TPM1: variants seen among roughly 807,000 people sequenced by gnomAD.
TPM1 encodes the protein tropomyosin 1.
A neutral mutation model predicts 42.9 loss-of-function variants in TPM1; 24 were observed. The observed-to-expected ratio is 0.56, with a 90% CI of 0.41 to 0.79. The LOEUF (loss-of-function observed/expected upper bound fraction) is 0.79, where lower values mean the gene tolerates loss of function less well. TPM1 is among the 30% of genes least tolerant of loss of function. The pLI is 0.00. For missense variants in TPM1, 158 were observed against 351.8 expected, an observed-to-expected ratio of 0.45 and a Z score of 4.41; for synonymous variants, 136 against 130.1, an observed-to-expected ratio of 1.05 and a Z score of -0.31.
intron 5 of TPM1, 46 bp from the exon 6 acceptor site, chr15:63,061,667 C>T: frequency 6.3e-7 from 1 of 1,576,962 alleles, no homozygotes; most frequent in East Asian, 2.2e-5. Context: ...CTCCTCCTTC[C>T]TTTGGCTTGT....
intron 2 of TPM1, among the ~76,000 whole-genome samples, chr15:63,049,554 G>A (rs1250173117): frequency 3.3e-5 from 5 of 152,152 alleles, no homozygotes; most frequent in African/African-American, 1.2e-4. Flanking sequence ...TTTTGTGTGT[G>A]TGTGTTTTTA....
chr15:63,043,440 C>T (rs1389161938), intron 1 of TPM1: 2 of 660,406 alleles, frequency 3.0e-6, no homozygotes, highest in South Asian at 3.0e-5. Flanking sequence ...GCCAGGCCAG[C>T]AGTGGCGTTC....
In TPM1 at chr15:63,060,860, CT is replaced by C; in HGVS notation, c.493-8del. On this transcript the variant is annotated splice_region_variant and splice_polypyrimidine_tract_variant and intron_variant, in intron 4 of 9. Coordinates refer to ENST00000403994, the MANE Select transcript of TPM1 (RefSeq NM_001018005.2). ...CCCATGGTGTGTGTGTTGTGTCTTCCTGCTGCAGGTGGCCCGTAAGCTGGTC... is the reference window on the plus strand; with the variant it reads ...CCCATGGTGTGTGTGTTGTGTCTTCCGCTGCAGGTGGCCCGTAAGCTGGTC... The C allele has an allele frequency of 6.2e-7, 1 of 1,614,176 alleles. No homozygotes were observed. The highest frequency in any genetic ancestry group is 8.5e-7 in the Non-Finnish European group (1 of 1,180,034).
chr15:63,053,137 T>C (rs1387998608), intron 2 of TPM1, among the ~76,000 whole-genome samples: 1 of 152,248 alleles, frequency 6.6e-6, no homozygotes, highest in Non-Finnish European at 1.5e-5. Context: ...TGTCCTTATG[T>C]GAGCTTCCTA....
intron 2 of TPM1, chr15:63,047,177 C>T (rs2032557754): frequency 6.6e-6 from 1 of 152,358 alleles, no homozygotes. Flanking sequence ...AAGCGAGAAG[C>T]TCCCACCTAC....
intron 2 of TPM1, 34 bp from the exon 3 acceptor site, chr15:63,056,951 C>G: frequency 2.5e-6 from 4 of 1,613,900 alleles, no homozygotes; most frequent in Non-Finnish European, 3.4e-6. Context: ...TCACTTTCTC[C>G]CCAACTCTGA....
Position 63,059,746 on chromosome 15 carries a change from T to C in TPM1, c.492+66T>C, listed in dbSNP as rs938537603. The stretch of plus-strand genomic sequence containing the variant: ...TGGCCTTCAGGAAGCCAGGGAGCAA[T>C]GTACAGTCTTGATTCCCGAGTGAGG... On this transcript the variant is annotated intron_variant, in intron 4 of 9. Transcript: ENST00000403994. The C allele has an allele frequency of 2.6e-6, 3 of 1,164,070 alleles. No homozygotes were observed. In the African/African-American group the frequency reaches 4.5e-5, roughly 18 times the overall value. 72.1% of individuals were successfully genotyped at this position (1,164,070 alleles called of 1,614,324 possible).
chr15:63,065,575 A>G (rs2036185826), intron 9 of TPM1: 10 of 985,246 alleles, frequency 1.0e-5, no homozygotes, highest in Non-Finnish European at 1.2e-5. Flanking sequence ...CAGTGCTAAA[A>G]TGTGGTGATT....
At chr15:63,055,901 T>C (rs1006164005) in intron 2 of TPM1, 1 of 152,222 alleles carries the variant, frequency 6.6e-6, no homozygotes, top group Non-Finnish European at 1.5e-5. Context: ...AAAAAAATCA[T>C]TGCCTCTCAA....
At chr15:63,058,704 G>A (rs1357175749) in intron 3 of TPM1, among the ~76,000 whole-genome samples, 4 of 152,124 alleles carry the variant, frequency 2.6e-5, no homozygotes, top group Non-Finnish European at 5.9e-5. Context: ...GCGAGACTCT[G>A]TCTCAAAAAA....
At chr15:63,061,882 G>A (rs879058970) in intron 6 of TPM1, 94 bp downstream of exon 6, 1 of 1,121,026 alleles carries the variant, frequency 8.9e-7, no homozygotes, top group South Asian at 1.3e-5. Context: ...AGACATTTTA[G>A]TAAAATGGCA....
Position 63,064,726 on chromosome 15 carries a change from G to C in TPM1, c.851+584G>C, listed in dbSNP as rs549780103. On this transcript the variant is annotated intron_variant, in intron 9 of 9. Transcript: ENST00000403994. ...CACGCCTGTAATCCCAGCACTTTGG[G>C]AGGCCGAGGCGGGCGGATCACGAGG... is the stretch of plus-strand genomic sequence containing the variant. The C allele has an allele frequency of 3.2e-6, 3 of 935,934 alleles. No homozygotes were observed. In the East Asian group the frequency reaches 3.5e-4, roughly 109 times the overall value. 58.0% of individuals were successfully genotyped at this position (935,934 alleles called of 1,614,324 possible).
In TPM1 at chr15:63,062,305, A is replaced by G. The variant is rs1456399234; in HGVS notation, c.702+28A>G. Reference sequence around the variant, plus strand: ...AATATGAGAGTTGTGGATGAAGCCAACTGGATTTTAAATGAGTTTGTTTTC... The same window carrying G: ...AATATGAGAGTTGTGGATGAAGCCAGCTGGATTTTAAATGAGTTTGTTTTC... On this transcript the variant is annotated intron_variant, in intron 7 of 9. Coordinates refer to ENST00000403994, the MANE Select transcript of TPM1 (RefSeq NM_001018005.2). 19 of 1,608,484 alleles carry G rather than the reference A, an allele frequency of 1.2e-5. No homozygotes were observed. In the East Asian group the frequency reaches 2.9e-4, roughly 25 times the overall value.
intron 2 of TPM1, chr15:63,048,122 A>G: frequency 2.3e-6 from 1 of 426,784 alleles, no homozygotes; most frequent in Non-Finnish European, 4.6e-6. Flanking sequence ...TCGGGAGCGG[A>G]GCGCTCCCGC....
intron 2 of TPM1, chr15:63,048,338 G>C (rs987116881): frequency 5.4e-6 from 6 of 1,116,498 alleles, no homozygotes; most frequent in African/African-American, 1.7e-5. Context: ...AGCCAGTCCC[G>C]GGATCCACGG....
Position 63,062,559 on chromosome 15 carries a change from CAAAT to C in TPM1, c.703-12_703-9del, listed in dbSNP as rs1263728774. ...AACATAAAACTTCCCAACTTTAACT[CAAAT>C]AAATCATTACAGGCTGAGACTCGGG... On this transcript the variant is annotated splice_polypyrimidine_tract_variant and intron_variant, in intron 7 of 9. Coordinates refer to ENST00000403994, the MANE Select transcript of TPM1 (RefSeq NM_001018005.2). 6.2e-7 allele frequency: 1 copy of C among 1,614,092 alleles called. No homozygotes were observed. The highest frequency in any genetic ancestry group is 1.7e-5 in the Admixed American group (1 of 60,028).
In TPM1 at chr15:63,064,268, A is replaced by G. The variant is rs2036024415; in HGVS notation, c.851+126A>G. On this transcript the variant is annotated intron_variant, in intron 9 of 9. Transcript: ENST00000403994. ...TCTTGTGTTCACCCTTTTTGTCATA[A>G]CCTAGAATAGTCATTGTTTTTTCAC... 2.6e-6 allele frequency: 4 copies of G among 1,539,822 alleles called. No individual in the cohort carries two copies. In the African/African-American group the frequency reaches 5.5e-5, roughly 21 times the overall value.
intron 9 of TPM1, chr15:63,065,200 A>G: frequency 1.0e-6 from 1 of 986,180 alleles, no homozygotes; most frequent in Non-Finnish European, 1.2e-6. Flanking sequence ...CATGAGAAGA[A>G]CCTTGAACAG....
downstream of TPM1, among the ~76,000 whole-genome samples, chr15:63,068,741 C>G (rs112450335): frequency 9.8e-5 from 15 of 152,298 alleles, no homozygotes; most frequent in African/African-American, 3.6e-4. Flanking sequence ...GTAAGCAGAT[C>G]ACGTGTCAGT....
Sources: gnomAD v4.1 joint callset for allele counts (sites outside exome capture counted in the v4.1 genomes callset) on GRCh38, gnomAD v4.1.1 for gene constraint, MANE v1.5 for transcripts, NCBI Gene and HGNC (gene_info 2026-07-23, HGNC 2026-07-21) for gene names.